The following NNMT variants were observed in gnomAD, a reference collection of about 807,000 sequenced individuals.
NNMT encodes the protein nicotinamide N-methyltransferase.
NNMT carries 10 observed loss-of-function variants against 11.7 expected under a neutral mutation model. That is an observed-to-expected ratio of 0.85 (90% CI 0.53 to 1.45). NNMT has a LOEUF of 1.45. Among genes scored for constraint, NNMT ranks in the 40% most tolerant of loss-of-function variants. The probability of loss-of-function intolerance (pLI) is 0.00; values close to 1 mark genes in which losing one functional copy is unlikely to be tolerated. For missense variants in NNMT, 381 were observed against 319.4 expected (o/e 1.19, Z -1.47); for synonymous variants, 143 against 133.8 (o/e 1.07, Z -0.48).
rs7127835 is a variant in NNMT at position 114,309,670 on chromosome 11, T to G, written c.363-2375T>G. Among the ~76,000 whole-genome samples the G allele has an allele frequency of 3.7e-3, 561 of 152,300 alleles. 4 individuals are homozygous for G. Among genetic ancestry groups the G allele is most frequent in the African/African-American group, 0.013 (521 of 41,550 alleles). Reference sequence around the variant, plus strand: ...AATGCACCCATTTAAATTGCGAAATTCAGTAGTTTTTAGTATACTTTCAGA... The same window carrying G: ...AATGCACCCATTTAAATTGCGAAATGCAGTAGTTTTTAGTATACTTTCAGA... On this transcript the variant is annotated intron_variant, in intron 2 of 2. Transcript: ENST00000299964.
At chr11:114,309,584 T>G (rs1389574524) in intron 2 of NNMT, among the ~76,000 whole-genome samples, 1 of 143,686 alleles carries the variant, frequency 7.0e-6, no homozygotes, top group African/African-American at 2.6e-5. Flanking sequence ...AGCTCATCTC[T>G]CTCTCTCTCT....
Position 114,296,402 on chromosome 11 carries a change from G to A in NNMT, c.-155G>A. The A allele has an allele frequency of 1.4e-6, 1 of 693,544 alleles. No individual in the cohort carries two copies. The highest frequency in any genetic ancestry group is 2.0e-5 in the South Asian group (1 of 49,612). 43.0% of individuals were successfully genotyped at this position (693,544 alleles called of 1,614,324 possible). ...ATTTGTGGTCTATTTCTCTGTTAGT[G>A]TTTAACCAACCATCTGTTCTAAAAG... On this transcript the variant is annotated 5_prime_UTR_variant, in exon 1 of 3. Transcript: ENST00000299964.
intron 2 of NNMT, among the ~76,000 whole-genome samples, chr11:114,277,504 TTGAAGGAAGTAGCAGCACATTGG>T (rs1411109280): frequency 6.6e-6 from 1 of 152,136 alleles, no homozygotes; most frequent in Non-Finnish European, 1.5e-5. Context: ...GAAAGACTTT[TTGAAGGAAGTAGCAGCACATTGG>T]TGAGATGTAA....
At chr11:114,293,786 A>G (rs188381033), upstream of NNMT, among the ~76,000 whole-genome samples, 1 of 152,124 alleles carries the variant, frequency 6.6e-6, no homozygotes, top group Non-Finnish European at 1.5e-5. Context: ...ATTGCCAGGT[A>G]TATACCCAAA....
At chr11:114,284,583 C>T (rs1945283139) in intron 2 of NNMT, among the ~76,000 whole-genome samples, 1 of 152,082 alleles carries the variant, frequency 6.6e-6, no homozygotes, top group South Asian at 2.1e-4. Context: ...CCTGCCTCAG[C>T]CTCCCAAGTA....
chr11:114,295,048 G>A (rs960671791), upstream of NNMT, among the ~76,000 whole-genome samples: 2 of 152,222 alleles, frequency 1.3e-5, no homozygotes, highest in African/African-American at 2.4e-5. Flanking sequence ...AGGAATTGAC[G>A]TCAGAGGCAG....
In NNMT at chr11:114,297,939, C is replaced by A. The variant is rs1213255912; in HGVS notation, c.155-12C>A. Reference sequence around the variant, plus strand: ...GCCTGATCTCTCCTCTTTGTTCCTCCCACTAATCCAGACGGTGTGAAGGGA... The same window carrying A: ...GCCTGATCTCTCCTCTTTGTTCCTCACACTAATCCAGACGGTGTGAAGGGA... On this transcript the variant is annotated splice_polypyrimidine_tract_variant and intron_variant, in intron 1 of 2. Coordinates refer to ENST00000299964, the MANE Select transcript of NNMT (RefSeq NM_006169.3). 2.5e-6 allele frequency: 4 copies of A among 1,611,630 alleles called. No homozygotes were observed. The highest frequency in any genetic ancestry group is 1.1e-5 in the South Asian group (1 of 90,990).
At chr11:114,272,172 A>T (rs140612040) in intron 2 of NNMT, among the ~76,000 whole-genome samples, 4 of 152,156 alleles carry the variant, frequency 2.6e-5, no homozygotes, top group Non-Finnish European at 5.9e-5. Context: ...CCTGCCCTCC[A>T]TGACTCTTCA....
chr11:114,262,064 A>G (rs548712), intron 1 of NNMT, among the ~76,000 whole-genome samples: 150,740 of 152,324 alleles, frequency 0.99, 74,602 homozygotes, highest in Middle Eastern at 1. Flanking sequence ...GTAAAAGGCT[A>G]CAGGGCAATG....
chr11:114,296,743 T>C (rs112497626), intron 1 of NNMT, 33 bp downstream of exon 1: 1 of 1,610,188 alleles, frequency 6.2e-7, no homozygotes. Context: ...TCCCCACTAA[T>C]GTGAGTCATA....
chr11:114,285,127 C>T (rs550215539), intron 2 of NNMT, among the ~76,000 whole-genome samples: 31 of 152,124 alleles, frequency 2.0e-4, no homozygotes, highest in Non-Finnish European at 3.7e-4. Context: ...TACACCCTTC[C>T]TCTCCCTCCC....
intron 2 of NNMT, among the ~76,000 whole-genome samples, chr11:114,275,616 AT>A (rs1945207858): frequency 6.6e-6 from 1 of 152,066 alleles, no homozygotes; most frequent in Admixed American, 6.5e-5. Flanking sequence ...ATATTCTGAG[AT>A]TCTGTGAGTG....
In NNMT at chr11:114,312,240, ACTGAAGCCAGGGGG is replaced by A; in HGVS notation, c.561_574del (p.Lys188ProfsTer16). 1 of 1,614,186 alleles carries A rather than the reference ACTGAAGCCAGGGGG, an allele frequency of 6.2e-7. No individual in the cohort carries two copies. The highest frequency in any genetic ancestry group is 8.5e-7 in the Non-Finnish European group (1 of 1,180,030). ...GGGCGCTCAGGAACCTCGGCAGCCT[ACTGAAGCCAGGGGG>A]CTTCCTGGTGATCATGGATGCGCTC... On this transcript the variant is annotated frameshift_variant, in exon 3 of 3. Coordinates refer to ENST00000299964, the MANE Select transcript of NNMT (RefSeq NM_006169.3). LOFTEE classifies it low-confidence loss of function (END_TRUNC).
Position 114,296,794 on chromosome 11 carries a change from G to A in NNMT, c.154+84G>A, listed in dbSNP as rs566355834. 21 of 1,381,970 alleles carry A rather than the reference G, an allele frequency of 1.5e-5. No individual in the cohort carries two copies. The East Asian group carries it at 2.5e-4, about 17-fold the overall frequency. 85.6% of individuals were successfully genotyped at this position (1,381,970 alleles called of 1,614,324 possible). On this transcript the variant is annotated intron_variant, in intron 1 of 2. Transcript: ENST00000299964. ...GGCACGACTGGGTTTTGTGTCTCTCGTTGTTGCTTCACAGCCCTTTTGGCA... is the reference window on the plus strand; with the variant it reads ...GGCACGACTGGGTTTTGTGTCTCTCATTGTTGCTTCACAGCCCTTTTGGCA...
intron 1 of NNMT, chr11:114,262,815 A>G (rs920748103): frequency 6.6e-6 from 1 of 152,138 alleles, no homozygotes; most frequent in Non-Finnish European, 1.5e-5. Context: ...AAGCAGCAGC[A>G]TTTCACTTTG....
In NNMT at chr11:114,296,484, T is replaced by C. The variant is rs1326539231; in HGVS notation, c.-73T>C. On this transcript the variant is annotated 5_prime_UTR_variant, in exon 1 of 3. Coordinates refer to ENST00000299964, the MANE Select transcript of NNMT (RefSeq NM_006169.3). ...GCCTGAGACTCAGGAAGACAACTTC[T>C]GCAGGGTCACTCCCTGGCTTCTGGA... 3.9e-6 allele frequency: 6 copies of C among 1,531,794 alleles called. No homozygotes were observed. The highest frequency in any genetic ancestry group is 1.8e-5 in the Admixed American group (1 of 54,964). 94.9% of individuals were successfully genotyped at this position (1,531,794 alleles called of 1,614,324 possible). A position where few individuals can be genotyped will look rare whatever the true frequency, so the allele number is the denominator to read the frequency against.
In NNMT at chr11:114,297,964, A is replaced by C; in HGVS notation, c.168A>C (p.Gly56=). The part of the protein sequence containing the change: ...FKIFCLDGVK[G]DLLIDIGSGP... ...CCACTAATCCAGACGGTGTGAAGGG[A>C]GACCTGCTGATTGACATCGGCTCTG... is the stretch of plus-strand genomic sequence containing the variant. Residue 56 remains glycine (G), a synonymous_variant, in exon 2 of 3, where the codon GGA becomes GGC. Coordinates refer to ENST00000299964, the MANE Select transcript of NNMT (RefSeq NM_006169.3). The C allele has an allele frequency of 6.2e-7, 1 of 1,612,750 alleles. No homozygotes were observed. Among genetic ancestry groups the C allele is most frequent in the Non-Finnish European group, 8.5e-7 (1 of 1,179,990 alleles).
chr11:114,298,354 AC>A (rs1427424581), intron 2 of NNMT, 196 bp downstream of exon 2: 2 of 575,092 alleles, frequency 3.5e-6, no homozygotes, highest in Non-Finnish European at 6.2e-6. Context: ...GCATGTGTGC[AC>A]CAGAGTAATG....
intron 2 of NNMT, among the ~76,000 whole-genome samples, chr11:114,285,359 G>A (rs951345118): frequency 1.3e-5 from 2 of 152,250 alleles, no homozygotes; most frequent in South Asian, 2.1e-4. Context: ...ATACAGTGAC[G>A]CCCTTATGGT....
Sources: allele counts gnomAD v4.1 joint callset (sites outside exome capture counted in the v4.1 genomes callset), GRCh38; gene constraint gnomAD v4.1.1; transcripts MANE v1.5; gene names NCBI Gene and HGNC (gene_info 2026-07-23, HGNC 2026-07-21).